The following TMEM132D variants were observed in gnomAD, a reference collection of about 807,000 sequenced individuals.
The protein encoded by TMEM132D is transmembrane protein 132D, also known as mature OL transmembrane protein.
A neutral mutation model predicts 62.3 loss-of-function variants in TMEM132D; 21 were observed. The observed-to-expected ratio is 0.34, with a 90% CI of 0.24 to 0.49. The LOEUF (loss-of-function observed/expected upper bound fraction) is 0.49. Among genes scored for constraint, TMEM132D ranks in the 20% least tolerant of loss-of-function variants. TMEM132D has a pLI of 0.99. For missense variants in TMEM132D, 1,346 were observed against 1,402.8 expected (o/e 0.96, Z 0.65); for synonymous variants, 621 against 575.6 (o/e 1.08, Z -1.13).
intron 3 of TMEM132D, among the ~76,000 whole-genome samples, chr12:129,340,902 T>G (rs1869457532): frequency 6.6e-6 from 1 of 152,232 alleles, no homozygotes; most frequent in Non-Finnish European, 1.5e-5. Flanking sequence ...GAAAACGTTG[T>G]ATGCGCGTGA....
intron 1 of TMEM132D, among the ~76,000 whole-genome samples, chr12:129,710,989 C>T (rs1459989645): frequency 1.3e-5 from 2 of 152,302 alleles, no homozygotes; most frequent in African/African-American, 2.4e-5. Context: ...CCTACCCACG[C>T]GCATTCCCTG....
At chr12:129,417,815 C>T (rs1872175619) in intron 3 of TMEM132D, among the ~76,000 whole-genome samples, 1 of 152,100 alleles carries the variant, frequency 6.6e-6, no homozygotes, top group African/African-American at 2.4e-5. Context: ...TGACAAAGGG[C>T]TAATATCCAG....
intron 4 of TMEM132D, among the ~76,000 whole-genome samples, chr12:129,271,614 T>G (rs1310582129): frequency 1.3e-5 from 2 of 151,432 alleles, no homozygotes; most frequent in Non-Finnish European, 2.9e-5. Context: ...CCTGTGTCCA[T>G]GTGTTCTCAT....
intron 2 of TMEM132D, among the ~76,000 whole-genome samples, chr12:129,572,035 C>T (rs1049313451): frequency 5.9e-5 from 9 of 152,222 alleles, no homozygotes; most frequent in South Asian, 4.1e-4. Flanking sequence ...TGACCTCATC[C>T]GCAGGTACTC....
intron 5 of TMEM132D, among the ~76,000 whole-genome samples, chr12:129,125,637 AC>A (rs1321264822): frequency 6.6e-6 from 1 of 151,180 alleles, no homozygotes; most frequent in East Asian, 2.0e-4. Context: ...ACAGGTGTGT[AC>A]AAACATGTTT....
chr12:129,861,651 C>G (rs1293725422), intron 1 of TMEM132D, among the ~76,000 whole-genome samples: 1 of 151,050 alleles, frequency 6.6e-6, no homozygotes. Context: ...ATCCCAGCTA[C>G]TAGGGAGGCT....
At chr12:129,799,252 C>T (rs1370332873) in intron 1 of TMEM132D, among the ~76,000 whole-genome samples, 6 of 151,924 alleles carry the variant, frequency 3.9e-5, no homozygotes, top group East Asian at 1.9e-4. Context: ...GCACACTCCA[C>T]CCTGGGCAAC....
chr12:129,242,910 G>A (rs928433306), intron 4 of TMEM132D, among the ~76,000 whole-genome samples: 6 of 89,974 alleles, frequency 6.7e-5, no homozygotes, highest in African/African-American at 2.4e-4. Context: ...GCTTGAGGAC[G>A]GTTCAGTCCA....
intron 1 of TMEM132D, among the ~76,000 whole-genome samples, chr12:129,775,949 C>T (rs1042350856): frequency 1.3e-5 from 2 of 151,848 alleles, no homozygotes; most frequent in Non-Finnish European, 2.9e-5. Flanking sequence ...ATAATCAGTA[C>T]CCCAGGCTAT....
chr12:129,426,146 G>A (rs1160761073), intron 3 of TMEM132D, among the ~76,000 whole-genome samples: 1 of 152,176 alleles, frequency 6.6e-6, no homozygotes, highest in African/African-American at 2.4e-5. Context: ...CGAAGGGTCT[G>A]CATGGCAGCT....
At chr12:129,813,630 A>ATATATATATATATATATATT (rs1555233398) in intron 1 of TMEM132D, among the ~76,000 whole-genome samples, 1 of 147,058 alleles carries the variant, frequency 6.8e-6, no homozygotes, top group Admixed American at 6.8e-5. Context: ...ATATATATAT[A>ATATATATATATATATATATT]TTTTCAGGAC....
chr12:129,271,387 C>A (rs1880849845), intron 4 of TMEM132D, among the ~76,000 whole-genome samples: 1 of 151,598 alleles, frequency 6.6e-6, no homozygotes, highest in Admixed American at 6.6e-5. Context: ...TTTCTTTTTT[C>A]TTTTTGATTT....
chr12:129,356,675 A>AAT (rs1275444607), intron 3 of TMEM132D, among the ~76,000 whole-genome samples: 16 of 148,180 alleles, frequency 1.1e-4, no homozygotes, highest in Admixed American at 6.1e-4. Context: ...TAAATAAATA[A>AAT]ATAAATAAAT....
At chr12:129,090,456 G>A (rs1377581515) in intron 5 of TMEM132D, among the ~76,000 whole-genome samples, 1 of 152,168 alleles carries the variant, frequency 6.6e-6, no homozygotes, top group Non-Finnish European at 1.5e-5. Context: ...CCTGAGGTCA[G>A]GAGTTCGAGA....
At chr12:129,752,105 G>A (rs1227356935) in intron 1 of TMEM132D, among the ~76,000 whole-genome samples, 1 of 151,938 alleles carries the variant, frequency 6.6e-6, no homozygotes, top group Non-Finnish European at 1.5e-5. Context: ...GATTTTTTAT[G>A]GATCATAACC....
chr12:129,209,373 T>G, intron 5 of TMEM132D, 147 bp downstream of exon 5: 1 of 990,530 alleles, frequency 1.0e-6, no homozygotes, highest in South Asian at 1.7e-5. Context: ...AATGTCCTGA[T>G]TTAAGTGGCA....
At chr12:129,559,218 T>C (rs986224853) in intron 2 of TMEM132D, among the ~76,000 whole-genome samples, 1 of 152,134 alleles carries the variant, frequency 6.6e-6, no homozygotes, top group Non-Finnish European at 1.5e-5. Flanking sequence ...AAGGCAAATG[T>C]GGAGCTGAGT....
chr12:129,278,388 C>G (rs1351638906), intron 4 of TMEM132D, among the ~76,000 whole-genome samples: 1 of 152,126 alleles, frequency 6.6e-6, no homozygotes, highest in Non-Finnish European at 1.5e-5. Flanking sequence ...CTGGGGACAT[C>G]TGGAAGGTCA....
intron 1 of TMEM132D, among the ~76,000 whole-genome samples, chr12:129,845,103 G>A (rs981034916): frequency 2.0e-5 from 3 of 152,232 alleles, no homozygotes; most frequent in African/African-American, 7.2e-5. Context: ...ACAGAGAAAC[G>A]GTGATTTTAT....
Sources: allele counts gnomAD v4.1 joint callset (sites outside exome capture counted in the v4.1 genomes callset), GRCh38; gene constraint gnomAD v4.1.1; transcripts MANE v1.5; gene names NCBI Gene and HGNC (gene_info 2026-07-23, HGNC 2026-07-21).